NEBL: variants seen among roughly 807,000 people sequenced by gnomAD.
NEBL encodes nebulette, also known as LIM and SH3 protein 2.
Under a neutral mutation model 140.2 loss-of-function variants are expected in NEBL, and 122 were observed. The observed-to-expected ratio is 0.87, with a 90% CI of 0.75 to 1.01. The LOEUF is 1.01. NEBL is among the 50% of genes least tolerant of loss of function. NEBL has a pLI of 0.00. For synonymous variants in NEBL, 436 were observed against 398.9 expected (o/e 1.09, Z -1.11); for missense variants, 1,365 against 1,231.3 (o/e 1.11, Z -1.62).
intron 2 of NEBL, among the ~76,000 whole-genome samples, chr10:21,021,471 G>A (rs1178330510): frequency 6.6e-6 from 1 of 152,212 alleles, no homozygotes; most frequent in Non-Finnish European, 1.5e-5. Flanking sequence ...TGCTCTTGCT[G>A]CAGGGATCAC....
intron 2 of NEBL, among the ~76,000 whole-genome samples, chr10:21,088,168 T>C (rs1486887007): frequency 1.3e-5 from 2 of 152,170 alleles, no homozygotes; most frequent in Admixed American, 1.3e-4. Context: ...GTCAGTCTTC[T>C]GGCAGAGGGA....
chr10:21,155,428 C>T (rs1840302662), intron 2 of NEBL, among the ~76,000 whole-genome samples: 1 of 152,154 alleles, frequency 6.6e-6, no homozygotes, highest in Admixed American at 6.5e-5. Flanking sequence ...CCTCACCACC[C>T]TCCCACTAAC....
intron 3 of NEBL, among the ~76,000 whole-genome samples, chr10:21,185,487 CTTTTTTTTTTTTTT>C (rs10612676): frequency 5.5e-5 from 4 of 72,076 alleles, no homozygotes; most frequent in African/African-American, 2.3e-4. Flanking sequence ...ATTTTCTTTC[CTTTTTTTTTTTTTT>C]TTTTTTTTTT....
chr10:21,033,746 A>G (rs1833894422), intron 2 of NEBL, among the ~76,000 whole-genome samples: 1 of 110,836 alleles, frequency 9.0e-6, no homozygotes, highest in African/African-American at 3.1e-5. Context: ...TCTCCGAAAA[A>G]AAAAAAAAAA....
intron 1 of NEBL, among the ~76,000 whole-genome samples, chr10:21,284,315 C>T (rs1322692335): frequency 6.6e-6 from 1 of 150,898 alleles, no homozygotes; most frequent in Non-Finnish European, 1.5e-5. Context: ...ATTTCAGCTG[C>T]ACTGAGCTTT....
intron 2 of NEBL, among the ~76,000 whole-genome samples, chr10:21,147,086 T>C (rs928070240): frequency 6.6e-6 from 1 of 152,158 alleles, no homozygotes; most frequent in African/African-American, 2.4e-5. Flanking sequence ...TGCCTCCATC[T>C]TTCCAATAAT....
chr10:20,827,324 C>A (rs548071907), intron 17 of NEBL, among the ~76,000 whole-genome samples: 1 of 152,334 alleles, frequency 6.6e-6, no homozygotes, highest in Non-Finnish European at 1.5e-5. Context: ...CACACAGCCT[C>A]TTTTCCTCAT....
intron 7 of NEBL, among the ~76,000 whole-genome samples, chr10:20,862,026 G>A (rs1843751299): frequency 1.3e-5 from 2 of 152,078 alleles, no homozygotes; most frequent in Non-Finnish European, 2.9e-5. Context: ...TTTTACACAC[G>A]TTGAACATCT....
intron 7 of NEBL, among the ~76,000 whole-genome samples, chr10:20,861,965 G>C (rs2131168066): frequency 6.6e-6 from 1 of 152,222 alleles, no homozygotes; most frequent in Non-Finnish European, 1.5e-5. Context: ...AACATGCTCA[G>C]AACAACTCCC....
upstream of NEBL, chr10:20,897,428 A>G (rs1847609113): frequency 7.9e-6 from 10 of 1,265,552 alleles, no homozygotes; most frequent in Admixed American, 3.4e-4. Context: ...AAGTGGAAAT[A>G]ACATATTCTT....
rs559495079 is a variant in NEBL, at chr10:21,190,815, G to A, written n.349-18338C>T. Among the ~76,000 whole-genome samples the A allele has an allele frequency of 3.9e-5, 6 of 152,268 alleles. No homozygotes were observed. The South Asian group carries it at 1.2e-3, about 32-fold the overall frequency. On this transcript the variant is annotated intron_variant and non_coding_transcript_variant, in intron 3 of 8. Transcript: ENST00000675702. ...ATAAAACAAAATGCTAATTTAACCA[G>A]CAAGTACATAAAGCTATGTAATAGA...
intron 2 of NEBL, among the ~76,000 whole-genome samples, chr10:21,063,787 G>A (rs1384130667): frequency 2.0e-5 from 3 of 152,174 alleles, no homozygotes; most frequent in Middle Eastern, 3.4e-3. Context: ...GGAGAATGGC[G>A]TGAACCCGGG....
chr10:21,261,571 C>G lies in NEBL; in HGVS notation n.183-9743G>C, dbSNP rs116776944. Among the ~76,000 whole-genome samples the G allele has an allele frequency of 6.5e-3, 990 of 151,468 alleles. 13 individuals carry two copies. Among genetic ancestry groups the G allele is most frequent in the African/African-American group, 0.023 (932 of 41,282 alleles). On this transcript the variant is annotated intron_variant and non_coding_transcript_variant, in intron 1 of 8. Transcript: ENST00000675702. ...CTGGGGCAGAAGGATTGCTTAGGCC[C>G]GGGAGGCTGAGGCTGCAGTGAGCCA... is the stretch of plus-strand genomic sequence containing the variant.
chr10:20,968,033 T>C (rs1836404503), intron 3 of NEBL, among the ~76,000 whole-genome samples: 1 of 152,020 alleles, frequency 6.6e-6, no homozygotes, highest in Non-Finnish European at 1.5e-5. Context: ...TTGGGTTTTT[T>C]CGTAAATGGC....
upstream of NEBL, among the ~76,000 whole-genome samples, chr10:21,177,535 C>CTTT (rs541092301): frequency 1.4e-5 from 2 of 145,066 alleles, no homozygotes; most frequent in South Asian, 2.2e-4. Flanking sequence ...TTTATTTTTC[C>CTTT]TTTTTTTTTT....
intron 4 of NEBL, among the ~76,000 whole-genome samples, chr10:20,935,525 G>A (rs1001381376): frequency 3.3e-5 from 5 of 152,118 alleles, no homozygotes; most frequent in African/African-American, 9.7e-5. Flanking sequence ...GAAATCACAC[G>A]GACTTTGGCA....
intron 4 of NEBL, among the ~76,000 whole-genome samples, chr10:20,931,100 C>A (rs1476127458): frequency 8.0e-6 from 1 of 124,554 alleles, no homozygotes; most frequent in African/African-American, 2.9e-5. Flanking sequence ...TTTTCTCAAC[C>A]TTTCCTTTCC....
intron 2 of NEBL, among the ~76,000 whole-genome samples, chr10:21,164,512 A>G (rs1338681684): frequency 6.6e-6 from 1 of 152,200 alleles, no homozygotes; most frequent in Non-Finnish European, 1.5e-5. Context: ...CTTGCATTTC[A>G]CCATGATTGA....
chr10:21,107,081 G>A (rs2132007119), intron 2 of NEBL, among the ~76,000 whole-genome samples: 1 of 152,114 alleles, frequency 6.6e-6, no homozygotes, highest in East Asian at 1.9e-4. Flanking sequence ...GGAGATTTTG[G>A]GCTGAGACGA....
Sources: allele counts gnomAD v4.1 joint callset (sites outside exome capture counted in the v4.1 genomes callset), GRCh38; gene constraint gnomAD v4.1.1; transcripts MANE v1.5; gene names NCBI Gene and HGNC (gene_info 2026-07-23, HGNC 2026-07-21).